Variants in PPARGC1A observed in about 807,000 individuals in gnomAD.
The protein encoded by PPARGC1A is PPARG coactivator 1 alpha.
In PPARGC1A, 25 loss-of-function variants were observed where a neutral mutation model predicts 88.7. The observed-to-expected ratio is 0.28, with a 90% CI of 0.21 to 0.39. The LOEUF (loss-of-function observed/expected upper bound fraction) is 0.39. Among genes scored for constraint, PPARGC1A ranks in the 10% least tolerant of loss-of-function variants. The pLI is 1.00. For missense variants in PPARGC1A, 880 were observed against 968.7 expected, an observed-to-expected ratio of 0.91 and a Z score of 1.22; for synonymous variants, 363 against 355.6, an observed-to-expected ratio of 1.02 and a Z score of -0.24.
chr4:24,416,499 G>A, the PPARGC1A span, among the ~76,000 whole-genome samples: 1 of 152,124 alleles, frequency 6.6e-6, no homozygotes, highest in African/African-American at 2.4e-5. Flanking sequence ...AAGGGCTGAG[G>A]GCCAGAGACA....
chr4:23,954,399 T>C, the PPARGC1A span, among the ~76,000 whole-genome samples: 1 of 152,024 alleles, frequency 6.6e-6, no homozygotes, highest in East Asian at 1.9e-4. Context: ...AATTTTGTTA[T>C]TTATAATTTA....
chr4:24,313,731 T>C, the PPARGC1A span, among the ~76,000 whole-genome samples: 1 of 152,184 alleles, frequency 6.6e-6, no homozygotes, highest in African/African-American at 2.4e-5. Context: ...TTATGGAACA[T>C]TTATATTATC....
At chr4:24,387,818 A>AAGAAAGAAAGAAAGAAAGAGACAGAG in the PPARGC1A span, among the ~76,000 whole-genome samples, 1 of 81,098 alleles carries the variant, frequency 1.2e-5, no homozygotes, top group African/African-American at 4.8e-5. Flanking sequence ...GAAAGAAAGA[A>AAGAAAGAAAGAAAGAAAGAGACAGAG]AGAAAGAGAG....
the PPARGC1A span, among the ~76,000 whole-genome samples, chr4:24,161,976 AC>A: frequency 7.6e-6 from 1 of 131,446 alleles, no homozygotes; most frequent in Non-Finnish European, 1.6e-5. Flanking sequence ...ACACACACAC[AC>A]ACACACACAC....
the PPARGC1A span, among the ~76,000 whole-genome samples, chr4:24,004,296 A>G: frequency 1.3e-5 from 2 of 152,208 alleles, no homozygotes; most frequent in African/African-American, 2.4e-5. Flanking sequence ...AAAAGTCCAA[A>G]CATCCTCCTG....
chr4:24,050,418 T>C, the PPARGC1A span, among the ~76,000 whole-genome samples: 1 of 151,860 alleles, frequency 6.6e-6, no homozygotes, highest in Non-Finnish European at 1.5e-5. Context: ...GGGTGGTCTC[T>C]AGCTCCTGAC....
At chr4:24,313,287 G>C in the PPARGC1A span, among the ~76,000 whole-genome samples, 2 of 152,092 alleles carry the variant, frequency 1.3e-5, no homozygotes, top group African/African-American at 4.8e-5. Context: ...GGGAAAGGGA[G>C]GAAAAACCTT....
At chr4:24,126,608 C>A in the PPARGC1A span, among the ~76,000 whole-genome samples, 5 of 152,150 alleles carry the variant, frequency 3.3e-5, no homozygotes, top group East Asian at 1.9e-4. Flanking sequence ...AAGATGATGT[C>A]CCAGAGGCTG....
upstream of PPARGC1A, among the ~76,000 whole-genome samples, chr4:23,907,942 G>A (rs957615): frequency 0.16 from 23,664 of 152,152 alleles, 2,185 homozygotes; most frequent in East Asian, 0.37. Flanking sequence ...ACATGGAGAA[G>A]GAAGAAAGAA....
At chr4:23,861,019 C>A (rs1731150750) in intron 2 of PPARGC1A, among the ~76,000 whole-genome samples, 1 of 152,166 alleles carries the variant, frequency 6.6e-6, no homozygotes, top group South Asian at 2.1e-4. Context: ...TACCATAATA[C>A]CCTGATCAAT....
chr4:24,406,413 G>C, the PPARGC1A span, among the ~76,000 whole-genome samples: 1 of 152,180 alleles, frequency 6.6e-6, no homozygotes, highest in African/African-American at 2.4e-5. Flanking sequence ...CACCATTATT[G>C]TGTCTGTTTG....
chr4:24,019,953 A>C, the PPARGC1A span, among the ~76,000 whole-genome samples: 1 of 152,226 alleles, frequency 6.6e-6, no homozygotes. Context: ...AAACACGTGG[A>C]GTCCTTACTG....
At chr4:24,113,455 AT>A in the PPARGC1A span, among the ~76,000 whole-genome samples, 1 of 152,160 alleles carries the variant, frequency 6.6e-6, no homozygotes, top group East Asian at 1.9e-4. Context: ...GACAACCAAT[AT>A]TGGGTATTCA....
upstream of PPARGC1A, among the ~76,000 whole-genome samples, chr4:23,891,028 A>C (rs946848586): frequency 1.3e-5 from 2 of 152,146 alleles, no homozygotes; most frequent in African/African-American, 4.8e-5. Context: ...CTGTGAACTG[A>C]GGGAAAAATA....
chr4:23,934,372 CTG>C, the PPARGC1A span, among the ~76,000 whole-genome samples: 4 of 152,344 alleles, frequency 2.6e-5, no homozygotes, highest in East Asian at 7.7e-4. Context: ...AGCAGCGACA[CTG>C]TGTGGCAGCA....
At chr4:24,413,742 C>T in the PPARGC1A span, among the ~76,000 whole-genome samples, 1 of 152,154 alleles carries the variant, frequency 6.6e-6, no homozygotes, top group Non-Finnish European at 1.5e-5. Context: ...CCAACATCAG[C>T]CTGAGAAGAC....
the PPARGC1A span, among the ~76,000 whole-genome samples, chr4:24,406,361 C>T: frequency 6.6e-6 from 1 of 152,120 alleles, no homozygotes; most frequent in Non-Finnish European, 1.5e-5. Flanking sequence ...AACCTGTGTC[C>T]CTGTGCTTCT....
the PPARGC1A span, among the ~76,000 whole-genome samples, chr4:24,333,824 C>G: frequency 1.3e-4 from 19 of 148,670 alleles, no homozygotes; most frequent in African/African-American, 4.5e-4. Context: ...ACCCCATCTA[C>G]TCAGGAGGTT....
At chr4:24,387,764 GAGAGAA>G in the PPARGC1A span, among the ~76,000 whole-genome samples, 49 of 76,588 alleles carry the variant, frequency 6.4e-4, no homozygotes, top group African/African-American at 2.1e-3. Context: ...GAGAGAGAGA[GAGAGAA>G]AGAAAGAAAG....
Sources: allele counts gnomAD v4.1 joint callset (sites outside exome capture counted in the v4.1 genomes callset), GRCh38; gene constraint gnomAD v4.1.1; transcripts MANE v1.5; gene names NCBI Gene and HGNC (gene_info 2026-07-23, HGNC 2026-07-21).